GLT1D1: variants seen among roughly 807,000 people sequenced by gnomAD.
GLT1D1 encodes glycosyltransferase 1 domain containing 1.
In GLT1D1, 21 loss-of-function variants were observed where a neutral mutation model predicts 28.7. That is an observed-to-expected ratio of 0.73 (90% CI 0.52 to 1.05). The LOEUF (loss-of-function observed/expected upper bound fraction) is 1.05, where lower values mean the gene tolerates loss of function less well. GLT1D1 is among the 50% of genes least tolerant of loss of function. GLT1D1 has a pLI of 0.00. For synonymous variants in GLT1D1, 147 were observed against 124.8 expected (o/e 1.18, Z -1.19); for missense variants, 343 against 330.6 (o/e 1.04, Z -0.29).
rs1868505879 is a variant in GLT1D1, at chr12:128,887,278, A to G, written c.218-1361A>G. On this transcript the variant is annotated intron_variant, in intron 2 of 7. Coordinates refer to ENST00000281703, the MANE Select transcript of GLT1D1 (RefSeq NM_144669.3). ...GTGATCTGCCCTCCTTGGCCTTCCA[A>G]AGTGCTGGCATTACAGGTGTGAGCC... Among the ~76,000 whole-genome samples the G allele has an allele frequency of 2.0e-5, 3 of 152,226 alleles. No homozygotes were observed. In the South Asian group the frequency reaches 6.2e-4, roughly 32 times the overall value.
chr12:128,929,393 C>G (rs1873628427), intron 4 of GLT1D1, among the ~76,000 whole-genome samples: 1 of 152,204 alleles, frequency 6.6e-6, no homozygotes, highest in Admixed American at 6.5e-5. Context: ...GCGTTTCCAG[C>G]CAGATGGGGT....
intron 1 of GLT1D1, among the ~76,000 whole-genome samples, chr12:128,857,216 C>G (rs927492837): frequency 2.0e-5 from 3 of 152,142 alleles, no homozygotes; most frequent in Non-Finnish European, 2.9e-5. Context: ...GATTCACTCC[C>G]CCATCATTCT....
chr12:128,897,822 C>T (rs1360560397), intron 3 of GLT1D1, among the ~76,000 whole-genome samples: 2 of 152,068 alleles, frequency 1.3e-5, no homozygotes, highest in African/African-American at 4.8e-5. Flanking sequence ...GCGCCCGCCA[C>T]CATGCCCGGC....
At chr12:128,919,404 C>T (rs902930304) in intron 4 of GLT1D1, among the ~76,000 whole-genome samples, 3 of 152,178 alleles carry the variant, frequency 2.0e-5, no homozygotes, top group Admixed American at 6.5e-5. Context: ...ATTGATTAGT[C>T]ACCAGGGTGT....
intron 6 of GLT1D1, among the ~76,000 whole-genome samples, chr12:128,952,864 C>T (rs1485995074): frequency 7.3e-6 from 1 of 137,084 alleles, no homozygotes; most frequent in Non-Finnish European, 1.5e-5. Context: ...CTGAAGCTTC[C>T]ACCTCCCCGG....
intron 7 of GLT1D1, 86 bp downstream of exon 11, chr12:128,957,729 G>T (rs1877448263): frequency 2.2e-6 from 2 of 909,606 alleles, no homozygotes; most frequent in Non-Finnish European, 3.5e-6. Context: ...TTCTGTTAGC[G>T]CTTAGTATTC....
At chr12:128,882,408 C>G (rs1316588845) in intron 2 of GLT1D1, among the ~76,000 whole-genome samples, 1 of 151,368 alleles carries the variant, frequency 6.6e-6, no homozygotes, top group African/African-American at 2.4e-5. Context: ...TCTCGAGTAG[C>G]TGGGATTATA....
At position 128,919,349 on chromosome 12, in the gene GLT1D1, G is replaced by A. The variant is rs1872419732; in HGVS notation, c.375+20062G>A. The stretch of plus-strand genomic sequence containing the variant: ...TATTAACCTTGAAATCAGGGGGAGT[G>A]GGTGGGAAGGGCTTCATTTAACACT... On this transcript the variant is annotated intron_variant, in intron 4 of 7. Coordinates refer to ENST00000281703, the MANE Select transcript of GLT1D1 (RefSeq NM_144669.3). 2.0e-5 allele frequency among the ~76,000 whole-genome samples: 3 copies of A among 152,156 alleles called. No individual in the cohort carries two copies. The South Asian group carries it at 6.2e-4, about 32-fold the overall frequency.
In GLT1D1 at chr12:128,961,634, A is replaced by G. The variant is rs545821828; in HGVS notation, c.639+3991A>G. Among the ~76,000 whole-genome samples, 20 of 152,348 alleles carry G rather than the reference A, an allele frequency of 1.3e-4. No homozygotes were observed. In the South Asian group the frequency reaches 2.9e-3, roughly 22 times the overall value. On this transcript the variant is annotated intron_variant, in intron 7 of 7. Coordinates refer to ENST00000281703, the MANE Select transcript of GLT1D1 (RefSeq NM_144669.3). Reference sequence around the variant, plus strand: ...AGGAGCTTAGATGTCTCTGTGCAGGAGAAGATGGATGTCCCAGCTCAAGAA... The same window carrying G: ...AGGAGCTTAGATGTCTCTGTGCAGGGGAAGATGGATGTCCCAGCTCAAGAA...
chr12:128,885,074 A>T (rs1957146641), intron 2 of GLT1D1, among the ~76,000 whole-genome samples: 1 of 152,018 alleles, frequency 6.6e-6, no homozygotes, highest in African/African-American at 2.4e-5. Flanking sequence ...TGATTTAGCT[A>T]TTCCACAATG....
At chr12:128,896,575 C>CTTT (rs60875245) in intron 3 of GLT1D1, among the ~76,000 whole-genome samples, 114 of 105,088 alleles carry the variant, frequency 1.1e-3, no homozygotes, top group Non-Finnish European at 1.3e-3. Flanking sequence ...ATGACACATA[C>CTTT]TTTTTTTTTT....
At chr12:128,926,199 T>TAATAAG (rs1873189613) in intron 4 of GLT1D1, among the ~76,000 whole-genome samples, 160 bp from the exon 7 acceptor site, 1 of 129,380 alleles carries the variant, frequency 7.7e-6, no homozygotes, top group Non-Finnish European at 1.6e-5. Flanking sequence ...GTCTCAATAA[T>TAATAAG]AATAATAATA....
At chr12:128,970,189 G>T (rs908631059) in intron 7 of GLT1D1, among the ~76,000 whole-genome samples, 1 of 152,176 alleles carries the variant, frequency 6.6e-6, no homozygotes, top group Non-Finnish European at 1.5e-5. Flanking sequence ...GACCCCGGTG[G>T]GCTGCAGCCT....
At chr12:128,888,844 A>G in intron 3 of GLT1D1, 100 bp downstream of exon 3, 1 of 733,514 alleles carries the variant, frequency 1.4e-6, no homozygotes, top group East Asian at 2.7e-5. Flanking sequence ...GGGAAGGTTT[A>G]CATCTTAGCA....
intron 4 of GLT1D1, among the ~76,000 whole-genome samples, chr12:128,926,871 G>A (rs1873277294): frequency 6.6e-6 from 1 of 152,114 alleles, no homozygotes; most frequent in South Asian, 2.1e-4. Context: ...TAGTTATCCA[G>A]TAAATTAGAA....
At chr12:128,965,710 T>TAAA (rs757636287) in intron 7 of GLT1D1, among the ~76,000 whole-genome samples, 12 of 104,700 alleles carry the variant, frequency 1.1e-4, no homozygotes, top group Non-Finnish European at 1.5e-4. Flanking sequence ...TGTCTCTGCT[T>TAAA]AAAAAAAAAA....
chr12:128,956,986 T>A (rs180682806), intron 6 of GLT1D1, among the ~76,000 whole-genome samples: 1 of 152,258 alleles, frequency 6.6e-6, no homozygotes, highest in Non-Finnish European at 1.5e-5. Context: ...TCAGGCCATC[T>A]TCTTGTGGCA....
intron 1 of GLT1D1, among the ~76,000 whole-genome samples, chr12:128,873,243 C>T (rs1956744364): frequency 1.3e-5 from 2 of 152,092 alleles, no homozygotes; most frequent in Admixed American, 6.6e-5. Context: ...TTTAATGTAT[C>T]CTTCTAGAGA....
chr12:128,932,809 C>T (rs1429254063), intron 4 of GLT1D1, among the ~76,000 whole-genome samples: 1 of 151,838 alleles, frequency 6.6e-6, no homozygotes, highest in Non-Finnish European at 1.5e-5. Context: ...GCTCTGGGCA[C>T]GACCCTGGTT....
Sources: allele counts gnomAD v4.1 joint callset (sites outside exome capture counted in the v4.1 genomes callset), GRCh38; gene constraint gnomAD v4.1.1; transcripts MANE v1.5; gene names NCBI Gene and HGNC (gene_info 2026-07-23, HGNC 2026-07-21).